Variants in GRIN2B observed in about 807,000 individuals in gnomAD.
The protein encoded by GRIN2B is glutamate ionotropic receptor NMDA type subunit 2B, also known as glutamate receptor ionotropic, NMDA 2B.
In GRIN2B, 5 loss-of-function variants were observed where a neutral mutation model predicts 114.5. The ratio of observed to expected loss-of-function variants is 0.04; its 90% CI spans 0.02 to 0.09. The LOEUF (loss-of-function observed/expected upper bound fraction) is 0.09, where lower values mean the gene tolerates loss of function less well. GRIN2B is among the 10% of genes least tolerant of loss of function. GRIN2B has a pLI of 1.00. For missense variants in GRIN2B, 1,108 were observed against 1,943.5 expected (o/e 0.57, Z 8.08); for synonymous variants, 787 against 745.1 (o/e 1.06, Z -0.92).
intron 10 of GRIN2B, among the ~76,000 whole-genome samples, chr12:13,589,962 TCA>T (rs1466651844): frequency 6.6e-6 from 1 of 152,082 alleles, no homozygotes; most frequent in African/African-American, 2.4e-5. Flanking sequence ...TGATAGACTA[TCA>T]ACTATGGCAA....
intron 4 of GRIN2B, among the ~76,000 whole-genome samples, chr12:13,736,150 GT>G (rs1382205993): frequency 4.4e-4 from 3 of 6,894 alleles, no homozygotes; most frequent in African/African-American, 7.6e-4. Flanking sequence ...GGGGGGGGGG[GT>G]TGGCGGGAAT....
At chr12:13,686,994 C>T (rs1420604081) in intron 4 of GRIN2B, among the ~76,000 whole-genome samples, 2 of 152,114 alleles carry the variant, frequency 1.3e-5, no homozygotes, top group Admixed American at 6.6e-5. Context: ...CCCCCCTCCC[C>T]GACCTTGCTT....
intron 4 of GRIN2B, among the ~76,000 whole-genome samples, chr12:13,715,866 C>T (rs1950450937): frequency 6.6e-6 from 1 of 151,828 alleles, no homozygotes; most frequent in South Asian, 2.1e-4. Flanking sequence ...TGTCAATTTC[C>T]ACAGAATTTT....
chr12:13,564,685 A>C lies in GRIN2B; in HGVS notation c.2599-46T>G. 1.3e-6 allele frequency: 2 copies of C among 1,550,632 alleles called. No individual in the cohort carries two copies. Among genetic ancestry groups the C allele is most frequent in the Non-Finnish European group, 1.8e-6 (2 of 1,125,556 alleles). Reference sequence around the variant, plus strand: ...CAGGTTAGATCTCCAGAGAGGCTAGAAATGACCACAAAAAACACTCTCCCA... The same window carrying C: ...CAGGTTAGATCTCCAGAGAGGCTAGCAATGACCACAAAAAACACTCTCCCA... On this transcript the variant is annotated intron_variant, in intron 13 of 13. Transcript: ENST00000609686. This position sits in a 1 kb window ranked among gnomAD's most constrained non-coding sequence, Gnocchi z 4.8.
intron 4 of GRIN2B, among the ~76,000 whole-genome samples, chr12:13,687,292 T>A (rs1950180861): frequency 6.6e-6 from 1 of 152,004 alleles, no homozygotes; most frequent in South Asian, 2.1e-4. Context: ...ATACTCCCAG[T>A]TTTTTTTAGC....
chr12:13,886,852 A>G (rs1866167537), intron 2 of GRIN2B, among the ~76,000 whole-genome samples: 1 of 152,222 alleles, frequency 6.6e-6, no homozygotes, highest in African/African-American at 2.4e-5. Flanking sequence ...ATAAACACTT[A>G]TACAGTACTC....
chr12:13,682,659 A>G (rs1018703887), intron 4 of GRIN2B, among the ~76,000 whole-genome samples: 8 of 152,206 alleles, frequency 5.3e-5, no homozygotes, highest in African/African-American at 1.9e-4. Context: ...AGTTAATGAG[A>G]TATTAAAGTA....
intron 4 of GRIN2B, among the ~76,000 whole-genome samples, chr12:13,678,694 C>T (rs1950099757): frequency 6.6e-6 from 1 of 152,112 alleles, no homozygotes; most frequent in Admixed American, 6.6e-5. Flanking sequence ...CTCACCCAAG[C>T]CCATCATTAG....
At chr12:13,971,023 G>T (rs952000727) in intron 2 of GRIN2B, among the ~76,000 whole-genome samples, 1 of 152,206 alleles carries the variant, frequency 6.6e-6, no homozygotes, top group Non-Finnish European at 1.5e-5. Context: ...GGGTGAAACT[G>T]ATCTATCTGC....
At chr12:13,917,877 G>A (rs943381346) in intron 2 of GRIN2B, among the ~76,000 whole-genome samples, 4 of 152,054 alleles carry the variant, frequency 2.6e-5, no homozygotes, top group Non-Finnish European at 5.9e-5. Flanking sequence ...AAAAATATCA[G>A]ATTTTTGGTA....
At chr12:13,583,338 A>G (rs1948877165) in intron 10 of GRIN2B, among the ~76,000 whole-genome samples, 1 of 152,210 alleles carries the variant, frequency 6.6e-6, no homozygotes, top group Non-Finnish European at 1.5e-5. Flanking sequence ...TGATCCTCTC[A>G]TTGATGCTAT....
chr12:13,927,982 A>AAAAAAAAAT (rs71067738), intron 2 of GRIN2B, among the ~76,000 whole-genome samples: 2 of 129,700 alleles, frequency 1.5e-5, no homozygotes, highest in African/African-American at 2.8e-5. Flanking sequence ...AAAAAAAAAA[A>AAAAAAAAAT]GGGGGGGTAT....
chr12:13,629,884 T>C (rs1250904126), intron 5 of GRIN2B, among the ~76,000 whole-genome samples: 2 of 152,208 alleles, frequency 1.3e-5, no homozygotes, highest in African/African-American at 2.4e-5. Flanking sequence ...CTCAGTAGCA[T>C]CTATGCCAAG....
intron 9 of GRIN2B, 151 bp from the exon 10 acceptor site, chr12:13,608,983 G>A (rs1949324254): frequency 1.5e-6 from 1 of 684,392 alleles, no homozygotes; most frequent in Non-Finnish European, 2.6e-6. Context: ...ATTTGAGAGT[G>A]TGTATCTCTC....
At chr12:13,876,940 G>T (rs1591598446) in intron 2 of GRIN2B, among the ~76,000 whole-genome samples, 1 of 152,300 alleles carries the variant, frequency 6.6e-6, no homozygotes, top group East Asian at 1.9e-4. Flanking sequence ...TAACTCCACT[G>T]ATCAGAAACA....
At chr12:13,623,899 A>G (rs1949543252) in intron 5 of GRIN2B, among the ~76,000 whole-genome samples, 3 of 152,214 alleles carry the variant, frequency 2.0e-5, no homozygotes, top group African/African-American at 7.2e-5. Context: ...ATACTTTTGC[A>G]TGTAGCTTTT....
At chr12:13,870,757 A>G (rs1865891479) in intron 2 of GRIN2B, among the ~76,000 whole-genome samples, 1 of 152,250 alleles carries the variant, frequency 6.6e-6, no homozygotes. Flanking sequence ...TTAAGATGCC[A>G]GAACTATGTA....
chr12:13,776,040 T>G (rs557275293), intron 3 of GRIN2B, among the ~76,000 whole-genome samples: 1 of 152,120 alleles, frequency 6.6e-6, no homozygotes, highest in African/African-American at 2.4e-5. Flanking sequence ...TGCTCATCAA[T>G]GATAGACTGG....
chr12:13,673,686 G>C (rs957623734), intron 5 of GRIN2B, among the ~76,000 whole-genome samples: 2 of 152,096 alleles, frequency 1.3e-5, no homozygotes, highest in South Asian at 2.1e-4. Flanking sequence ...GTTCTAGAAA[G>C]GGGTAGGGGA....
Sources: gnomAD v4.1 joint callset for allele counts (sites outside exome capture counted in the v4.1 genomes callset) on GRCh38, gnomAD v4.1.1 for gene constraint, Gnocchi (gnomAD v3.1) non-coding constraint, MANE v1.5 for transcripts, NCBI Gene and HGNC (gene_info 2026-07-23, HGNC 2026-07-21) for gene names.